PPP3CA: variants seen among roughly 807,000 people sequenced by gnomAD.
PPP3CA encodes the protein CAM-PRP catalytic subunit.
A neutral mutation model predicts 66.5 loss-of-function variants in PPP3CA; 14 were observed. That is an observed-to-expected ratio of 0.21 (90% CI 0.14 to 0.33). PPP3CA has a LOEUF of 0.33. Among genes scored for constraint, PPP3CA ranks in the 10% least tolerant of loss-of-function variants. The probability of loss-of-function intolerance (pLI) is 1.00; values close to 1 mark genes in which losing one functional copy is unlikely to be tolerated. For missense variants in PPP3CA, 317 were observed against 639.5 expected, an observed-to-expected ratio of 0.50 and a Z score of 5.44; for synonymous variants, 232 against 226.2, an observed-to-expected ratio of 1.03 and a Z score of -0.23.
chr4:101,087,460 A>G (rs1462422761), intron 6 of PPP3CA, among the ~76,000 whole-genome samples: 1 of 152,124 alleles, frequency 6.6e-6, no homozygotes, highest in South Asian at 2.1e-4. Context: ...GAAACTCCTC[A>G]TATTTCTCTT....
intron 2 of PPP3CA, among the ~76,000 whole-genome samples, chr4:101,148,298 A>G (rs1723030703): frequency 6.6e-6 from 1 of 152,156 alleles, no homozygotes; most frequent in African/African-American, 2.4e-5. Flanking sequence ...AAATAATTAT[A>G]TCAATTTAAG....
At chr4:101,222,977 T>C (rs963241498) in intron 1 of PPP3CA, among the ~76,000 whole-genome samples, 2 of 151,722 alleles carry the variant, frequency 1.3e-5, no homozygotes, top group African/African-American at 2.4e-5. Flanking sequence ...AAGATAGACA[T>C]TTGGGTATCT....
intron 8 of PPP3CA, among the ~76,000 whole-genome samples, chr4:101,064,235 G>T (rs985414371): frequency 2.0e-5 from 3 of 151,840 alleles, no homozygotes; most frequent in Non-Finnish European, 2.9e-5. Context: ...TTTTAATGAG[G>T]TCACCTATTC....
At chr4:101,152,565 G>T (rs1334892282) in intron 2 of PPP3CA, among the ~76,000 whole-genome samples, 1 of 152,202 alleles carries the variant, frequency 6.6e-6, no homozygotes, top group East Asian at 1.9e-4. Flanking sequence ...TGTAAGACCA[G>T]ATTTTGGACA....
At chr4:101,111,350 T>A (rs2110265496) in intron 2 of PPP3CA, among the ~76,000 whole-genome samples, 1 of 152,230 alleles carries the variant, frequency 6.6e-6, no homozygotes, top group Admixed American at 6.5e-5. Context: ...TGTCAATGGG[T>A]GTGACGCTGA....
At chr4:101,154,685 G>A (rs981858491) in intron 2 of PPP3CA, among the ~76,000 whole-genome samples, 15 of 151,952 alleles carry the variant, frequency 9.9e-5, no homozygotes, top group African/African-American at 3.6e-4. Context: ...CTCAATAACA[G>A]GTTCTCCAAC....
intron 2 of PPP3CA, among the ~76,000 whole-genome samples, chr4:101,188,383 C>T (rs972805258): frequency 2.6e-5 from 4 of 152,042 alleles, no homozygotes; most frequent in Admixed American, 2.6e-4. Context: ...CTTCCTACTA[C>T]TCTTCATATT....
At chr4:101,060,986 A>T in intron 10 of PPP3CA, 101 bp downstream of exon 10, 1 of 1,008,192 alleles carries the variant, frequency 9.9e-7, no homozygotes, top group Non-Finnish European at 1.5e-6. Flanking sequence ...GTTACGTTTT[A>T]AACATAATCC....
intron 1 of PPP3CA, among the ~76,000 whole-genome samples, chr4:101,198,353 A>G (rs1438401204): frequency 6.6e-6 from 1 of 152,182 alleles, no homozygotes; most frequent in African/African-American, 2.4e-5. Context: ...AACTCCCCCA[A>G]ATTCCCCAGG....
chr4:101,159,605 A>G (rs1723436854), intron 2 of PPP3CA, among the ~76,000 whole-genome samples: 1 of 152,190 alleles, frequency 6.6e-6, no homozygotes. Flanking sequence ...TTAATGGTTA[A>G]TAATGATCTA....
At chr4:101,079,479 C>T (rs1278699665) in intron 8 of PPP3CA, among the ~76,000 whole-genome samples, 2 of 151,330 alleles carry the variant, frequency 1.3e-5, no homozygotes, top group African/African-American at 2.4e-5. Context: ...CCCGGGTTCA[C>T]GCCATTCTCC....
intron 1 of PPP3CA, among the ~76,000 whole-genome samples, chr4:101,325,829 A>ATG (rs1729188940): frequency 6.6e-6 from 1 of 152,200 alleles, no homozygotes; most frequent in Non-Finnish European, 1.5e-5. Flanking sequence ...GCATTCATTA[A>ATG]CATGATGTCT....
intron 1 of PPP3CA, among the ~76,000 whole-genome samples, chr4:101,288,817 C>T (rs970701887): frequency 6.6e-6 from 1 of 152,040 alleles, no homozygotes; most frequent in African/African-American, 2.4e-5. Context: ...TAGAAATAAT[C>T]CAAGCTGGGG....
At position 101,106,450 on chromosome 4, in the gene PPP3CA, A is replaced by AAAGAAAGAAGAG. The variant is rs751759518; in HGVS notation, c.384+2503_384+2504insCTCTTCTTTCTT. On this transcript the variant is annotated intron_variant, in intron 3 of 13. Coordinates refer to ENST00000394854, the MANE Select transcript of PPP3CA (RefSeq NM_000944.5). Reference sequence around the variant, plus strand: ...GAAAGAAAGAAAGAAAGAAAGAAAGAAAGAGAAAAGAAAAGAAAAGAAAAG... The same window carrying AAAGAAAGAAGAG: ...GAAAGAAAGAAAGAAAGAAAGAAAGAAAGAAAGAAGAGAAGAGAAAAGAAAAGAAAAGAAAAG... Among the ~76,000 whole-genome samples the AAAGAAAGAAGAG allele has an allele frequency of 6.8e-3, 76 of 11,118 alleles. 17 individuals are homozygous for AAAGAAAGAAGAG. Among genetic ancestry groups the AAAGAAAGAAGAG allele is most frequent in the African/African-American group, 0.017 (41 of 2,472 alleles). 7.3% of individuals were successfully genotyped at this position (11,118 alleles called of 152,430 possible).
Position 101,311,637 on chromosome 4 carries a change from A to T in PPP3CA, c.58+35102T>A, listed in dbSNP as rs182799183. On this transcript the variant is annotated intron_variant, in intron 1 of 13. Transcript: ENST00000394854. ...TCTAGCAAAAGTAAAATAATTAGCC[A>T]GGCATGGTGGCGTGTGTCTGTAATC... Among the ~76,000 whole-genome samples, 145 of 152,278 alleles carry T rather than the reference A, an allele frequency of 9.5e-4. 1 individual carries two copies. In the East Asian group the frequency reaches 0.025, roughly 26 times the overall value.
chr4:101,093,677 G>A, intron 6 of PPP3CA, 99 bp downstream of exon 6: 1 of 1,182,944 alleles, frequency 8.5e-7, no homozygotes, highest in South Asian at 2.6e-5. Flanking sequence ...TTATATTAAA[G>A]AAGTAATACA....
intron 10 of PPP3CA, among the ~76,000 whole-genome samples, chr4:101,059,367 A>G (rs1728361551): frequency 6.6e-6 from 1 of 152,052 alleles, no homozygotes; most frequent in Non-Finnish European, 1.5e-5. Context: ...CCTATGTTGC[A>G]CATCTCCTTG....
chr4:101,283,658 A>G (rs909611278), intron 1 of PPP3CA, among the ~76,000 whole-genome samples: 1 of 152,216 alleles, frequency 6.6e-6, no homozygotes, highest in African/African-American at 2.4e-5. Context: ...TCTGGCAGGT[A>G]CGCAATCATT....
At chr4:101,319,755 T>A (rs1048881163) in intron 1 of PPP3CA, among the ~76,000 whole-genome samples, 1 of 152,140 alleles carries the variant, frequency 6.6e-6, no homozygotes, top group Non-Finnish European at 1.5e-5. Flanking sequence ...GAAAACTGTT[T>A]AAATATCCAA....
Sources: gnomAD v4.1 joint callset for allele counts (sites outside exome capture counted in the v4.1 genomes callset) on GRCh38, gnomAD v4.1.1 for gene constraint, MANE v1.5 for transcripts, NCBI Gene and HGNC (gene_info 2026-07-23, HGNC 2026-07-21) for gene names.